AGBL4: variants seen among roughly 807,000 people sequenced by gnomAD.
The protein encoded by AGBL4 is cytosolic carboxypeptidase 6.
A neutral mutation model predicts 66.4 loss-of-function variants in AGBL4; 58 were observed. That is an observed-to-expected ratio of 0.87 (90% CI 0.71 to 1.09). AGBL4 has a LOEUF of 1.09. Among genes scored for constraint, AGBL4 ranks in the 50% least tolerant of loss-of-function variants. The probability of loss-of-function intolerance (pLI) is 0.00; values close to 1 mark genes in which losing one functional copy is unlikely to be tolerated. For synonymous variants in AGBL4, 234 were observed against 222.9 expected (o/e 1.05, Z -0.44); for missense variants, 579 against 631.0 (o/e 0.92, Z 0.88).
chr1:48,904,309 T>C (rs962615075), intron 5 of AGBL4, among the ~76,000 whole-genome samples: 2 of 152,126 alleles, frequency 1.3e-5, no homozygotes, highest in Non-Finnish European at 2.9e-5. Flanking sequence ...TGATCTCAAT[T>C]ACTGCTTGGC....
intron 3 of AGBL4, among the ~76,000 whole-genome samples, chr1:49,362,417 T>C (rs1570524849): frequency 8.8e-6 from 1 of 114,098 alleles, no homozygotes; most frequent in Non-Finnish European, 1.7e-5. Flanking sequence ...AACTATACAC[T>C]CCAGCATGGG....
chr1:48,883,611 A>C (rs1162930497), intron 5 of AGBL4, among the ~76,000 whole-genome samples: 1 of 152,166 alleles, frequency 6.6e-6, no homozygotes, highest in Non-Finnish European at 1.5e-5. Context: ...TCATTCTATA[A>C]TTATCTGTTT....
At chr1:49,795,128 T>C (rs186887619) in intron 2 of AGBL4, among the ~76,000 whole-genome samples, 27 of 151,990 alleles carry the variant, frequency 1.8e-4, no homozygotes, top group Admixed American at 2.0e-4. Context: ...TGAAATGATA[T>C]TTTAAATGAA....
intron 1 of AGBL4, among the ~76,000 whole-genome samples, chr1:49,977,951 C>G (rs1213660499): frequency 6.6e-6 from 1 of 152,182 alleles, no homozygotes; most frequent in East Asian, 1.9e-4. Flanking sequence ...TGCATATTCT[C>G]TTTAATTCTG....
chr1:49,381,480 G>A (rs1644607919), intron 3 of AGBL4, among the ~76,000 whole-genome samples: 1 of 152,130 alleles, frequency 6.6e-6, no homozygotes, highest in Admixed American at 6.5e-5. Context: ...ATTTGACCCA[G>A]CCATCCCATT....
downstream of AGBL4, among the ~76,000 whole-genome samples, chr1:48,531,442 G>A (rs74075889): frequency 6.6e-6 from 1 of 152,088 alleles, no homozygotes; most frequent in Non-Finnish European, 1.5e-5. Flanking sequence ...TAGAGAGGGA[G>A]TCCCCTCTAT....
chr1:49,797,551 T>C (rs1030209604), intron 2 of AGBL4, among the ~76,000 whole-genome samples: 1 of 152,090 alleles, frequency 6.6e-6, no homozygotes, highest in Non-Finnish European at 1.5e-5. Context: ...TCCTCCCATG[T>C]CAATCTCCCA....
chr1:48,549,588 G>T (rs142062299), intron 11 of AGBL4, among the ~76,000 whole-genome samples: 1 of 151,968 alleles, frequency 6.6e-6, no homozygotes, highest in Admixed American at 6.6e-5. Flanking sequence ...GACCAAAAGC[G>T]AAAGAGATGC....
chr1:48,531,206 T>TC (rs56916062), downstream of AGBL4, among the ~76,000 whole-genome samples: 1,684 of 139,174 alleles, frequency 0.012, 24 homozygotes, highest in African/African-American at 0.04. Flanking sequence ...AGCTTTTTTT[T>TC]TTCTCTCTCT....
chr1:48,644,341 C>T (rs1169322183), intron 8 of AGBL4, among the ~76,000 whole-genome samples: 1 of 152,180 alleles, frequency 6.6e-6, no homozygotes, highest in Non-Finnish European at 1.5e-5. Context: ...TTCCCTATCC[C>T]AACCCTCTTG....
At chr1:48,537,561 A>G (rs1643993837) in intron 12 of AGBL4, among the ~76,000 whole-genome samples, 1 of 152,156 alleles carries the variant, frequency 6.6e-6, no homozygotes, top group African/African-American at 2.4e-5. Flanking sequence ...CTCTGACCAC[A>G]TGACTCTGAC....
At chr1:49,236,947 G>A (rs1650801652) in intron 4 of AGBL4, among the ~76,000 whole-genome samples, 1 of 151,916 alleles carries the variant, frequency 6.6e-6, no homozygotes, top group South Asian at 2.1e-4. Context: ...ATCCTGATAG[G>A]GAATCATGAG....
At chr1:48,593,356 T>C (rs1040712446) in intron 9 of AGBL4, among the ~76,000 whole-genome samples, 2 of 152,244 alleles carry the variant, frequency 1.3e-5, no homozygotes, top group Admixed American at 6.5e-5. Context: ...TAGTTACTTA[T>C]TGATAAACAT....
intron 5 of AGBL4, among the ~76,000 whole-genome samples, chr1:48,936,006 G>T (rs1385530115): frequency 9.5e-6 from 1 of 105,684 alleles, no homozygotes; most frequent in Non-Finnish European, 2.0e-5. Flanking sequence ...GATACAAGAT[G>T]GCTGGGTGTG....
intron 6 of AGBL4, among the ~76,000 whole-genome samples, chr1:48,770,533 C>G (rs888852123): frequency 2.0e-5 from 3 of 152,172 alleles, no homozygotes; most frequent in Non-Finnish European, 2.9e-5. Context: ...ACTCTGCACT[C>G]TCTCCCACTG....
chr1:49,440,773 C>T (rs1487886849), intron 3 of AGBL4, among the ~76,000 whole-genome samples: 2 of 152,106 alleles, frequency 1.3e-5, no homozygotes, highest in Non-Finnish European at 1.5e-5. Flanking sequence ...CGTACAGCCT[C>T]GCCAGGTATC....
intron 3 of AGBL4, among the ~76,000 whole-genome samples, chr1:49,376,911 G>A (rs749356860): frequency 6.6e-6 from 1 of 152,098 alleles, no homozygotes; most frequent in South Asian, 2.1e-4. Context: ...AATTAGAATG[G>A]TGCCCAGAAT....
chr1:49,228,058 CA>C (rs1650039621), intron 4 of AGBL4, among the ~76,000 whole-genome samples: 1 of 152,140 alleles, frequency 6.6e-6, no homozygotes, highest in Non-Finnish European at 1.5e-5. Flanking sequence ...TAGATTAGAA[CA>C]GAGGAACATG....
chr1:49,975,243 G>C (rs1055952774), intron 1 of AGBL4, among the ~76,000 whole-genome samples: 3 of 152,124 alleles, frequency 2.0e-5, no homozygotes, highest in African/African-American at 7.2e-5. Flanking sequence ...TTGCAACTCT[G>C]CCCTTAAATA....
Sources: gnomAD v4.1 joint callset for allele counts (sites outside exome capture counted in the v4.1 genomes callset) on GRCh38, gnomAD v4.1.1 for gene constraint, MANE v1.5 for transcripts, NCBI Gene and HGNC (gene_info 2026-07-23, HGNC 2026-07-21) for gene names.